RRBP1: variants seen among roughly 807,000 people sequenced by gnomAD.
RRBP1 encodes ribosome-binding protein 1.
A neutral mutation model predicts 165.2 loss-of-function variants in RRBP1; 94 were observed. That is an observed-to-expected ratio of 0.57 (90% CI 0.48 to 0.68). RRBP1 has a LOEUF of 0.68. Ranked by LOEUF, RRBP1 falls within the 30% of genes least tolerant of loss-of-function variation. RRBP1 has a pLI of 0.00. For missense variants in RRBP1, 1,676 were observed against 1,763.0 expected (o/e 0.95, Z 0.88); for synonymous variants, 680 against 714.5 (o/e 0.95, Z 0.77).
chr20:17,621,371 C>T lies in RRBP1; in HGVS notation c.3414+87G>A. 6.0e-6 allele frequency: 6 copies of T among 998,116 alleles called. No individual in the cohort carries two copies. In the South Asian group the frequency reaches 7.0e-5, roughly 12 times the overall value. The allele number at this position is 998,116 out of a possible 1,614,324, so 61.8% of individuals were successfully genotyped here. On this transcript the variant is annotated intron_variant, in intron 16 of 24. Transcript: ENST00000377813. ...AGGCCAGTGGGCTTTTCCAAAACAC[C>T]AGGCCACCTCCTGCCCCATAGGCCC...
intron 12 of RRBP1, among the ~76,000 whole-genome samples, 175 bp from the exon 13 acceptor site, chr20:17,624,843 A>C (rs1168785570): frequency 6.6e-6 from 1 of 152,202 alleles, no homozygotes; most frequent in East Asian, 1.9e-4. Context: ...GCCTGAACAC[A>C]AGGCCTGGGT....
At chr20:17,638,837 C>T (rs776663058) in intron 5 of RRBP1, among the ~76,000 whole-genome samples, 1 of 152,122 alleles carries the variant, frequency 6.6e-6, no homozygotes, top group Admixed American at 6.5e-5. Context: ...TGGGGCCCCT[C>T]ATGGTGTAAG....
intron 2 of RRBP1, among the ~76,000 whole-genome samples, chr20:17,665,474 C>A (rs926125908): frequency 6.6e-6 from 1 of 152,168 alleles, no homozygotes; most frequent in Non-Finnish European, 1.5e-5. Flanking sequence ...CAGGTTCAAG[C>A]CATTCTTGTG....
intron 2 of RRBP1, among the ~76,000 whole-genome samples, chr20:17,674,177 G>C (rs1251321167): frequency 6.6e-6 from 1 of 152,120 alleles, no homozygotes; most frequent in Non-Finnish European, 1.5e-5. Context: ...AAATGAGTAG[G>C]TCAGACATTC....
chr20:17,660,346 G>C lies in RRBP1; in HGVS notation c.162C>G (p.His54Gln). 1.2e-6 allele frequency: 2 copies of C among 1,613,770 alleles called. No homozygotes were observed. Among genetic ancestry groups the C allele is most frequent in the South Asian group, 2.2e-5 (2 of 91,040 alleles). ...CCTTCTTTTTCTTCTCGACTTTCTG[G>C]TGGTGAGTTTTCGCCATCTCCTTGC... is the stretch of plus-strand genomic sequence containing the variant. ...NQRKEMAKTH[H>Q]QKVEKKKKEK... Residue 54 changes from histidine (H) to glutamine (Q), a missense_variant, in exon 3 of 25, where the codon CAC becomes CAG. Transcript: ENST00000377813.
At chr20:17,642,843 G>C (rs1002001522) in intron 4 of RRBP1, 136 bp downstream of exon 4, 21 of 971,832 alleles carry the variant, frequency 2.2e-5, no homozygotes, top group Non-Finnish European at 2.9e-5. Context: ...GCGATCCCTC[G>C]GGGTGGCAGA....
chr20:17,627,670 T>C lies in RRBP1; in HGVS notation c.2762A>G (p.Lys921Arg). ...QQQQMAELHS[K>R]LQSSEAEVRS... ...CACCTCCGCCTCGGAGGACTGTAAC[T>C]TGCTGTGCAGCTCTGGTGCAGAGGA... is the stretch of plus-strand genomic sequence containing the variant. Residue 921 changes from lysine (K) to arginine (R), a missense_variant, in exon 10 of 25, where the codon AAG (lysine) becomes AGG (arginine). This residue lies in a region of RRBP1 where 1,184 missense variants were observed against 1,167.1 expected (regional missense o/e 1.01). Coordinates refer to ENST00000377813, the MANE Select transcript of RRBP1 (RefSeq NM_001365613.2). The C allele has an allele frequency of 6.2e-7, 1 of 1,605,456 alleles. No homozygotes were observed. Among genetic ancestry groups the C allele is most frequent in the Admixed American group, 1.7e-5 (1 of 58,972 alleles).
At chr20:17,674,737 G>A (rs1487661771) in intron 2 of RRBP1, among the ~76,000 whole-genome samples, 1 of 152,068 alleles carries the variant, frequency 6.6e-6, no homozygotes, top group Non-Finnish European at 1.5e-5. Context: ...CAGCCTGGGA[G>A]ACAGAGCGAG....
At chr20:17,634,996 C>T (rs1209818348) in intron 7 of RRBP1, among the ~76,000 whole-genome samples, 1 of 152,168 alleles carries the variant, frequency 6.6e-6, no homozygotes, top group East Asian at 1.9e-4. Flanking sequence ...CAGAGGCTTT[C>T]GGGATAACAC....
intron 20 of RRBP1, among the ~76,000 whole-genome samples, chr20:17,618,357 C>T (rs2035840877): frequency 6.6e-6 from 1 of 152,168 alleles, no homozygotes; most frequent in South Asian, 2.1e-4. Context: ...ACCAGGTAGC[C>T]AGGGGACGGG....
Position 17,635,623 on chromosome 20 carries a change from C to CA in RRBP1, c.2378_2379insT (p.Gln794AlafsTer56). ...TCTCCTGCTGCAGGCGGGCCAGCTGCGTGTTGGGGCCATTCTCCAGCTGCT... is the reference window on the plus strand; with the variant it reads ...TCTCCTGCTGCAGGCGGGCCAGCTGCAGTGTTGGGGCCATTCTCCAGCTGCT... On this transcript the variant is annotated frameshift_variant, in exon 7 of 25. Coordinates refer to ENST00000377813, the MANE Select transcript of RRBP1 (RefSeq NM_001365613.2). LOFTEE classifies it high-confidence loss of function. 1 of 1,613,400 alleles carries CA rather than the reference C, an allele frequency of 6.2e-7. No homozygotes were observed. The highest frequency in any genetic ancestry group is 1.7e-4 in the Middle Eastern group (1 of 6,046).
chr20:17,649,326 G>T (rs1056012110), intron 3 of RRBP1, among the ~76,000 whole-genome samples: 4 of 152,196 alleles, frequency 2.6e-5, no homozygotes, highest in African/African-American at 7.2e-5. Flanking sequence ...GGGAGGGGCT[G>T]CCCACACCGG....
In RRBP1 at chr20:17,659,766, G is replaced by T. The variant is rs1173005744; in HGVS notation, c.742C>A (p.Gln248Lys). ...GGGGTTCCTTCTGCCTTTTTGCCTT[G>T]GTTTGGGGTTCCCTCTGCCTTTTTC... ...QGKKAEGTPN[Q>K]GKKAEGTPNQ... The change falls in exon 3 of 25, where the codon CAA becomes AAA. Residue 248 changes from glutamine (Q) to lysine (K), a missense_variant. By Grantham distance (53) the Gln-to-Lys change is moderately conservative. This residue lies in a region of RRBP1 where 392 missense variants were observed against 382.5 expected (regional missense o/e 1.02). Transcript: ENST00000377813. The T allele has an allele frequency of 1.4e-5, 21 of 1,550,366 alleles. No individual in the cohort carries two copies. Among genetic ancestry groups the T allele is most frequent in the Non-Finnish European group, 1.8e-5 (21 of 1,146,892 alleles).
intron 24 of RRBP1, 46 bp from the exon 25 acceptor site, chr20:17,614,266 A>G: frequency 1.9e-6 from 3 of 1,598,320 alleles, no homozygotes; most frequent in Non-Finnish European, 2.6e-6. Flanking sequence ...GCCACGAGCC[A>G]TGGCAGAACC....
At position 17,659,802 on chromosome 20, in the gene RRBP1, G is replaced by C; in HGVS notation, c.706C>G (p.Pro236Ala). The stretch of plus-strand genomic sequence containing the variant: ...CCCTCTGCCTTTTTCCCTTGGTTTG[G>C]GGTTCCCTCTGTCTTTTTGCCCTGG... Reference protein sequence around the residue: ...PNQGKKTEGTPNQGKKAEGTP... With the variant: ...PNQGKKTEGTANQGKKAEGTP... Residue 236 changes from proline to alanine, a missense_variant, in exon 3 of 25, where the codon CCA (proline) becomes GCA (alanine). Pro to Ala is a conservative substitution (Grantham distance 27, BLOSUM62 -1). This residue lies in a region of RRBP1 where 392 missense variants were observed against 382.5 expected (regional missense o/e 1.02). Transcript: ENST00000377813. 4 of 1,550,760 alleles carry C rather than the reference G, an allele frequency of 2.6e-6. No individual in the cohort carries two copies. The highest frequency in any genetic ancestry group is 3.5e-6 in the Non-Finnish European group (4 of 1,146,938).
intron 5 of RRBP1, among the ~76,000 whole-genome samples, chr20:17,638,430 C>G (rs1472928346): frequency 6.6e-6 from 1 of 152,194 alleles, no homozygotes; most frequent in Non-Finnish European, 1.5e-5. Context: ...CAGCCCTGGG[C>G]AGGCCTCGTG....
chr20:17,681,714 G>C (rs1032453160), intron 1 of RRBP1, among the ~76,000 whole-genome samples: 2 of 150,334 alleles, frequency 1.3e-5, no homozygotes, highest in Admixed American at 1.3e-4. Context: ...CCTGCCGGGA[G>C]GGAGGGAGGC....
intron 9 of RRBP1, 70 bp downstream of exon 9, chr20:17,629,753 G>T: frequency 6.7e-7 from 1 of 1,499,466 alleles, no homozygotes; most frequent in Non-Finnish European, 9.0e-7. Context: ...GGCACTGGCA[G>T]TGGGGCTGGG....
At chr20:17,669,800 C>T (rs1002349521) in intron 2 of RRBP1, among the ~76,000 whole-genome samples, 1 of 152,114 alleles carries the variant, frequency 6.6e-6, no homozygotes, top group Non-Finnish European at 1.5e-5. Context: ...GGTGATTTTT[C>T]CCCCACAGCA....
Sources: allele counts gnomAD v4.1 joint callset (sites outside exome capture counted in the v4.1 genomes callset), GRCh38; gene constraint gnomAD v4.1.1; regional missense constraint gnomAD v4.1.1; transcripts MANE v1.5; gene names NCBI Gene and HGNC (gene_info 2026-07-23, HGNC 2026-07-21).